Variants in NCAM2 observed in about 807,000 individuals in gnomAD.
The protein encoded by NCAM2 is neural cell adhesion molecule 2.
Under a neutral mutation model 98.1 loss-of-function variants are expected in NCAM2, and 30 were observed. That is an observed-to-expected ratio of 0.31 (90% CI 0.23 to 0.41). NCAM2 has a LOEUF of 0.41. NCAM2 is among the 10% of genes least tolerant of loss of function. The pLI, the probability that NCAM2 is intolerant of heterozygous loss-of-function variation, is 1.00. For synonymous variants in NCAM2, 368 were observed against 342.4 expected (o/e 1.07, Z -0.83); for missense variants, 867 against 1,005.8 (o/e 0.86, Z 1.87).
At chr21:21,411,147 T>TATGTATATATATAC (rs2076876807) in intron 10 of NCAM2, among the ~76,000 whole-genome samples, 18 of 82,040 alleles carry the variant, frequency 2.2e-4, no homozygotes, top group Non-Finnish European at 3.5e-4. Flanking sequence ...TATATATATA[T>TATGTATATATATAC]ACATATATAT....
intron 1 of NCAM2, among the ~76,000 whole-genome samples, chr21:21,176,007 G>A (rs950933238): frequency 7.2e-5 from 11 of 152,206 alleles, no homozygotes; most frequent in South Asian, 2.1e-4. Context: ...TTTCAGAAAC[G>A]TCCAGTATTT....
chr21:21,010,892 A>G (rs942645820), intron 1 of NCAM2, among the ~76,000 whole-genome samples: 4 of 152,150 alleles, frequency 2.6e-5, no homozygotes, highest in Non-Finnish European at 5.9e-5. Flanking sequence ...AGGGAAGTGA[A>G]TACTCAAAGA....
chr21:21,045,172 A>T (rs2064984657), intron 1 of NCAM2, among the ~76,000 whole-genome samples: 1 of 152,196 alleles, frequency 6.6e-6, no homozygotes, highest in African/African-American at 2.4e-5. Context: ...ACATACAGAA[A>T]CTTTAAAAGA....
chr21:21,478,355 A>G (rs887807115), intron 15 of NCAM2, among the ~76,000 whole-genome samples: 1 of 152,018 alleles, frequency 6.6e-6, no homozygotes, highest in South Asian at 2.1e-4. Flanking sequence ...TAATCCATGA[A>G]ACCAAGATTT....
In NCAM2 at chr21:21,209,118, A is replaced by G. The variant is rs139170370; in HGVS notation, c.56-71460A>G. ...TGATGTTCCCCACTCTCAGCGTCCT[A>G]TTAAGAGATAACTTTGAGAACATCA... On this transcript the variant is annotated intron_variant, in intron 1 of 17. Transcript: ENST00000400546. Among the ~76,000 whole-genome samples, 143 of 152,296 alleles carry G rather than the reference A, an allele frequency of 9.4e-4. 1 individual carries two copies. Among genetic ancestry groups the G allele is most frequent in the African/African-American group, 3.2e-3 (133 of 41,568 alleles).
At chr21:21,461,914 A>G (rs2125869) in intron 12 of NCAM2, among the ~76,000 whole-genome samples, 144,182 of 151,990 alleles carry the variant, frequency 0.95, 68,852 homozygotes, top group East Asian at 1. Context: ...TGGAGCTGGC[A>G]TCAAAGTATT....
At chr21:21,440,502 C>A (rs758252451) in intron 12 of NCAM2, among the ~76,000 whole-genome samples, 12 of 151,814 alleles carry the variant, frequency 7.9e-5, no homozygotes, top group African/African-American at 2.9e-4. Flanking sequence ...GGCAACATGG[C>A]GAAACCTCAT....
At chr21:21,251,369 C>T (rs1274755729) in intron 1 of NCAM2, among the ~76,000 whole-genome samples, 1 of 151,868 alleles carries the variant, frequency 6.6e-6, no homozygotes, top group Admixed American at 6.6e-5. Context: ...CATGTGTTCT[C>T]ATCATTCAGC....
chr21:21,439,254 G>C (rs1167476221), intron 12 of NCAM2, among the ~76,000 whole-genome samples: 1 of 151,964 alleles, frequency 6.6e-6, no homozygotes, highest in African/African-American at 2.4e-5. Flanking sequence ...GAGTAGCTGG[G>C]ATTACAGGTG....
intron 10 of NCAM2, among the ~76,000 whole-genome samples, chr21:21,416,791 T>C (rs2077002714): frequency 1.3e-5 from 2 of 152,162 alleles, no homozygotes; most frequent in South Asian, 4.1e-4. Flanking sequence ...GGTTTAAGTG[T>C]AAAACCACTA....
intron 12 of NCAM2, among the ~76,000 whole-genome samples, chr21:21,450,960 T>C (rs1432519920): frequency 3.1e-5 from 3 of 95,948 alleles, no homozygotes; most frequent in African/African-American, 1.3e-4. Context: ...GAAGTAGGAA[T>C]ATATATATAT....
intron 1 of NCAM2, among the ~76,000 whole-genome samples, chr21:21,066,253 T>C (rs1367124235): frequency 6.6e-6 from 1 of 152,202 alleles, no homozygotes; most frequent in East Asian, 1.9e-4. Context: ...AGTTTCGTCT[T>C]TGAATACAGT....
At chr21:21,052,811 CT>C (rs377247356) in intron 1 of NCAM2, among the ~76,000 whole-genome samples, 138 of 152,202 alleles carry the variant, frequency 9.1e-4, no homozygotes, top group South Asian at 5.4e-3. Flanking sequence ...TATTTACTCT[CT>C]TTTTTTCCAA....
intron 15 of NCAM2, among the ~76,000 whole-genome samples, chr21:21,503,877 T>C (rs1010808501): frequency 6.6e-6 from 1 of 151,962 alleles, no homozygotes; most frequent in Admixed American, 6.6e-5. Flanking sequence ...AAATTATTTA[T>C]TCTTATTCAA....
rs562580269 is a variant in NCAM2, at chr21:21,493,192, A to G, written c.2078-15659A>G. Among the ~76,000 whole-genome samples the G allele has an allele frequency of 2.0e-5, 3 of 152,082 alleles. No individual in the cohort carries two copies. The South Asian group carries it at 6.2e-4, about 32-fold the overall frequency. ...GTATGGTTCACTGCTGAATTCTATT[A>G]CATAAAAACAGGAAGCTAAAACCTT... On this transcript the variant is annotated intron_variant, in intron 15 of 17. Coordinates refer to ENST00000400546, the MANE Select transcript of NCAM2 (RefSeq NM_004540.5).
At chr21:21,061,716 A>G (rs1220630711) in intron 1 of NCAM2, among the ~76,000 whole-genome samples, 1 of 152,150 alleles carries the variant, frequency 6.6e-6, no homozygotes, top group East Asian at 1.9e-4. Flanking sequence ...ATATAAACTT[A>G]TTTTAACACA....
Position 21,341,991 on chromosome 21 carries a change from A to G in NCAM2, c.1044+3457A>G, listed in dbSNP as rs183257481. Among the ~76,000 whole-genome samples the G allele has an allele frequency of 5.6e-4, 85 of 152,214 alleles. 1 individual carries two copies. The East Asian group carries it at 0.013, about 24-fold the overall frequency. Reference sequence around the variant, plus strand: ...AAAAAAAGGAGTGGTTAGGAAGTGTATTTAATTTTTTGTGCCCCCATAGTT... The same window carrying G: ...AAAAAAAGGAGTGGTTAGGAAGTGTGTTTAATTTTTTGTGCCCCCATAGTT... On this transcript the variant is annotated intron_variant, in intron 8 of 17. Coordinates refer to ENST00000400546, the MANE Select transcript of NCAM2 (RefSeq NM_004540.5).
intron 1 of NCAM2, among the ~76,000 whole-genome samples, chr21:21,077,582 G>A (rs2065706068): frequency 6.6e-6 from 1 of 152,014 alleles, no homozygotes; most frequent in Non-Finnish European, 1.5e-5. Context: ...TTTCATGTTA[G>A]CAATGCAAAT....
chr21:21,076,995 T>A (rs2065694138), intron 1 of NCAM2, among the ~76,000 whole-genome samples: 1 of 152,142 alleles, frequency 6.6e-6, no homozygotes, highest in African/African-American at 2.4e-5. Flanking sequence ...AGTTTGGTCA[T>A]AAGAGAAAAA....
Sources: gnomAD v4.1 joint callset for allele counts (sites outside exome capture counted in the v4.1 genomes callset) on GRCh38, gnomAD v4.1.1 for gene constraint, MANE v1.5 for transcripts, NCBI Gene and HGNC (gene_info 2026-07-23, HGNC 2026-07-21) for gene names.